The following WDR70 variants were observed in gnomAD, a reference collection of about 807,000 sequenced individuals.
WDR70 encodes the protein WD repeat-containing protein 70.
In WDR70, 53 loss-of-function variants were observed where a neutral mutation model predicts 88.6. That is an observed-to-expected ratio of 0.60 (90% CI 0.48 to 0.75). The LOEUF (loss-of-function observed/expected upper bound fraction) is 0.75. Ranked by LOEUF, WDR70 falls within the 30% of genes least tolerant of loss-of-function variation. The probability of loss-of-function intolerance (pLI) is 0.00; values close to 1 mark genes in which losing one functional copy is unlikely to be tolerated. For synonymous variants in WDR70, 280 were observed against 270.0 expected, an observed-to-expected ratio of 1.04 and a Z score of -0.36; for missense variants, 610 against 823.2, an observed-to-expected ratio of 0.74 and a Z score of 3.17.
At chr5:37,639,222 C>G (rs954200503) in intron 10 of WDR70, among the ~76,000 whole-genome samples, 52 of 152,234 alleles carry the variant, frequency 3.4e-4, no homozygotes, top group African/African-American at 1.0e-3. Flanking sequence ...AATTTCCTGA[C>G]AATTTTACAC....
At chr5:37,439,143 C>A (rs1200275913) in intron 6 of WDR70, among the ~76,000 whole-genome samples, 1 of 151,996 alleles carries the variant, frequency 6.6e-6, no homozygotes, top group East Asian at 1.9e-4. Context: ...TGGTCTCGAT[C>A]TGCTGACCTC....
intron 8 of WDR70, among the ~76,000 whole-genome samples, chr5:37,500,446 A>G (rs1356874008): frequency 6.6e-6 from 1 of 152,158 alleles, no homozygotes; most frequent in Non-Finnish European, 1.5e-5. Context: ...TCCTTTGGGT[A>G]GATACGCAGT....
chr5:37,524,519 C>CA (rs889353613), intron 9 of WDR70, among the ~76,000 whole-genome samples: 8 of 151,930 alleles, frequency 5.3e-5, no homozygotes, highest in East Asian at 1.9e-4. Flanking sequence ...CCAGCCACTG[C>CA]AAAAAAAATG....
At chr5:37,595,281 A>T (rs567226425) in intron 9 of WDR70, among the ~76,000 whole-genome samples, 2 of 152,308 alleles carry the variant, frequency 1.3e-5, no homozygotes, top group African/African-American at 4.8e-5. Context: ...GTCAGTAATT[A>T]TGAGTCAATT....
chr5:37,583,589 GACTAT>G (rs1743282506), intron 9 of WDR70, among the ~76,000 whole-genome samples: 1 of 133,072 alleles, frequency 7.5e-6, no homozygotes, highest in South Asian at 2.7e-4. Context: ...AAGGATGATT[GACTAT>G]GACACGCAGT....
At chr5:37,679,772 C>T (rs893199161) in intron 10 of WDR70, among the ~76,000 whole-genome samples, 1 of 152,208 alleles carries the variant, frequency 6.6e-6, no homozygotes. Flanking sequence ...AGCTGTCAGA[C>T]CGGGACATTT....
chr5:37,585,060 G>A (rs769902471), intron 9 of WDR70, among the ~76,000 whole-genome samples: 1 of 148,508 alleles, frequency 6.7e-6, no homozygotes, highest in Admixed American at 6.8e-5. Context: ...GCACGATATC[G>A]GCTCACTGCA....
At chr5:37,675,448 A>T (rs200299210) in intron 10 of WDR70, among the ~76,000 whole-genome samples, 3,989 of 152,270 alleles carry the variant, frequency 0.026, 100 homozygotes, top group South Asian at 0.12. Context: ...AGCTTTCTAC[A>T]TATGGCTAGC....
At chr5:37,687,566 A>G (rs570032531) in intron 10 of WDR70, among the ~76,000 whole-genome samples, 3 of 152,328 alleles carry the variant, frequency 2.0e-5, no homozygotes, top group East Asian at 1.9e-4. Flanking sequence ...TACACCTCCA[A>G]TATAATGTTC....
chr5:37,687,889 A>G (rs1746658247), intron 10 of WDR70: 1 of 659,426 alleles, frequency 1.5e-6, no homozygotes, highest in Non-Finnish European at 2.8e-6. Flanking sequence ...GATTCACAAT[A>G]CCATCTCTTT....
intron 8 of WDR70, among the ~76,000 whole-genome samples, chr5:37,497,986 T>A (rs1297675902): frequency 6.6e-6 from 1 of 152,164 alleles, no homozygotes; most frequent in Non-Finnish European, 1.5e-5. Context: ...TAAACCTATC[T>A]AATTTTTGTA....
chr5:37,513,598 A>G (rs1017415747), intron 8 of WDR70, among the ~76,000 whole-genome samples: 3 of 152,222 alleles, frequency 2.0e-5, no homozygotes, highest in African/African-American at 7.2e-5. Flanking sequence ...ATTAACTCAC[A>G]TGATCACAAG....
chr5:37,505,122 A>G (rs975972695), intron 8 of WDR70, among the ~76,000 whole-genome samples: 6 of 152,202 alleles, frequency 3.9e-5, no homozygotes, highest in African/African-American at 1.2e-4. Flanking sequence ...ATTCCTCATT[A>G]CCCACTGTAG....
intron 9 of WDR70, among the ~76,000 whole-genome samples, chr5:37,551,858 G>T (rs1742158314): frequency 7.9e-6 from 1 of 126,228 alleles, no homozygotes; most frequent in Non-Finnish European, 1.6e-5. Context: ...TGCAAACTCT[G>T]CCTCCCGGGT....
intron 8 of WDR70, among the ~76,000 whole-genome samples, chr5:37,499,590 TCTCTCTCTC>T (rs760421655): frequency 0.41 from 55,590 of 134,290 alleles, 14,106 homozygotes; most frequent in Non-Finnish European, 0.53. Context: ...GGAAATATTC[TCTCTCTCTC>T]TCTCTCTCTC....
chr5:37,398,536 TCC>T (rs1281959119), intron 5 of WDR70, among the ~76,000 whole-genome samples: 1 of 152,238 alleles, frequency 6.6e-6, no homozygotes, highest in Admixed American at 6.5e-5. Flanking sequence ...CTTTGCGTAT[TCC>T]TTCTCAGTAC....
chr5:37,699,402 TACACAC>T (rs70978839), intron 11 of WDR70, among the ~76,000 whole-genome samples: 52 of 70,804 alleles, frequency 7.3e-4, no homozygotes, highest in African/African-American at 3.7e-3. Flanking sequence ...TATATATATA[TACACAC>T]ACACACACAC....
At chr5:37,501,075 C>T (rs942629616) in intron 8 of WDR70, among the ~76,000 whole-genome samples, 1 of 152,134 alleles carries the variant, frequency 6.6e-6, no homozygotes, top group African/African-American at 2.4e-5. Context: ...GAAGTGTCTT[C>T]ATGTCATTTG....
At chr5:37,528,619 A>C (rs909493707) in intron 9 of WDR70, among the ~76,000 whole-genome samples, 1 of 92,116 alleles carries the variant, frequency 1.1e-5, no homozygotes, top group African/African-American at 3.4e-5. Flanking sequence ...CCTAGAACTT[A>C]AAGTATAATA....
Sources: allele counts gnomAD v4.1 joint callset (sites outside exome capture counted in the v4.1 genomes callset), GRCh38; gene constraint gnomAD v4.1.1; transcripts MANE v1.5; gene names NCBI Gene and HGNC (gene_info 2026-07-23, HGNC 2026-07-21).